Variants in STIL observed in about 807,000 individuals in gnomAD.
STIL encodes SCL-interrupting locus protein.
STIL carries 55 observed loss-of-function variants against 110.1 expected under a neutral mutation model. The observed-to-expected ratio is 0.50, with a 90% confidence interval of 0.40 to 0.63. The LOEUF (loss-of-function observed/expected upper bound fraction) is 0.63, where lower values mean the gene tolerates loss of function less well. Ranked by LOEUF, STIL falls within the 20% of genes least tolerant of loss-of-function variation. STIL has a pLI of 0.00. For synonymous variants in STIL, 481 were observed against 530.0 expected (o/e 0.91, Z 1.27); for missense variants, 1,358 against 1,530.0 (o/e 0.89, Z 1.87).
chr1:47,274,034 T>C (rs1570116649), intron 12 of STIL, among the ~76,000 whole-genome samples: 1 of 152,272 alleles, frequency 6.6e-6, no homozygotes, highest in Admixed American at 6.5e-5. Flanking sequence ...AAGAGATAAA[T>C]AAAACAGTTG....
At chr1:47,300,298 G>A (rs974448479) in intron 5 of STIL, 146 bp from the exon 6 acceptor site, 15 of 826,368 alleles carry the variant, frequency 1.8e-5, no homozygotes, top group South Asian at 1.2e-4. Context: ...TTCAGTTCTC[G>A]TTTATTCCAT....
chr1:47,311,008 C>T (rs1175293177), intron 1 of STIL, among the ~76,000 whole-genome samples: 1 of 152,088 alleles, frequency 6.6e-6, no homozygotes, highest in African/African-American at 2.4e-5. Flanking sequence ...CCACCATGCC[C>T]AGCTAATTTT....
In STIL at chr1:47,269,752, T is replaced by C. The variant is rs1172455299; in HGVS notation, c.2498A>G (p.Asn833Ser). Residue 833 changes from asparagine (N) to serine (S), a missense_variant, in exon 14 of 17, where the codon AAT becomes AGT. By Grantham distance (46) the Asn-to-Ser change is conservative. Transcript: ENST00000371877. Reference sequence around the variant, plus strand: ...ACTACCTGGAAGACTTGTGACTTCATTATTAATATCGACAGAAAAATTCAT... The same window carrying C: ...ACTACCTGGAAGACTTGTGACTTCACTATTAATATCGACAGAAAAATTCAT... ...EDMNFSVDIN[N>S]EVTSLPGSAS... is the part of the protein sequence containing the mutation. The C allele has an allele frequency of 6.2e-7, 1 of 1,614,182 alleles. No individual in the cohort carries two copies. Among genetic ancestry groups the C allele is most frequent in the Admixed American group, 1.7e-5 (1 of 60,018 alleles).
In STIL at chr1:47,289,010, C is replaced by T. The variant is rs1231842750; in HGVS notation, c.1023+425G>A. Among the ~76,000 whole-genome samples the T allele has an allele frequency of 6.7e-5, 9 of 134,860 alleles. No homozygotes were observed. The South Asian group carries it at 1.7e-3, about 25-fold the overall frequency. 88.5% of individuals were successfully genotyped at this position (134,860 alleles called of 152,430 possible). A position where few individuals can be genotyped will look rare whatever the true frequency, so the allele number is the denominator to read the frequency against. ...CTGGGAGGCAGAGGTTGCAGTGAGC[C>T]GAGATCACGCCACTGCACTCCAGCC... On this transcript the variant is annotated intron_variant, in intron 9 of 16. Coordinates refer to ENST00000371877, the MANE Select transcript of STIL (RefSeq NM_001048166.1).
intron 16 of STIL, among the ~76,000 whole-genome samples, chr1:47,257,774 T>C (rs1028340106): frequency 9.9e-5 from 15 of 152,218 alleles, no homozygotes; most frequent in African/African-American, 2.9e-4. Flanking sequence ...ATAAAAGATA[T>C]TGACTATCTG....
chr1:47,295,380 G>A (rs891782259), intron 7 of STIL, among the ~76,000 whole-genome samples: 3 of 152,022 alleles, frequency 2.0e-5, no homozygotes, highest in Middle Eastern at 3.2e-3. Flanking sequence ...ACGGGTTCGA[G>A]ACGAGCCTGG....
intron 8 of STIL, among the ~76,000 whole-genome samples, chr1:47,291,812 C>T (rs143933722): frequency 0.082 from 12,460 of 151,818 alleles, 1,664 homozygotes; most frequent in African/African-American, 0.28. Context: ...GTGATCCACC[C>T]GCCTTGGCCT....
chr1:47,283,121 G>A (rs1447829687), intron 10 of STIL: 2 of 152,242 alleles, frequency 1.3e-5, no homozygotes, highest in African/African-American at 4.8e-5. Flanking sequence ...ATGCATTAGG[G>A]AAAAGAAAAG....
At chr1:47,278,784 A>G (rs1164948236) in intron 12 of STIL, among the ~76,000 whole-genome samples, 3 of 152,034 alleles carry the variant, frequency 2.0e-5, no homozygotes, top group Non-Finnish European at 4.4e-5. Context: ...TGGGCAATAT[A>G]GGAAGACCTT....
Position 47,282,455 on chromosome 1 carries a change from A to T in STIL, c.1138T>A (p.Ser380Thr). Reference protein sequence around the residue: ...ASKNFSIKRSSQKLSSGKMPI... With the variant: ...ASKNFSIKRSTQKLSSGKMPI... Reference sequence around the variant, plus strand: ...ATCTTCCCAGAAGATAACTTTTGGGAAGACCTAAAGAATAGAAGGGGAGAC... The same window carrying T: ...ATCTTCCCAGAAGATAACTTTTGGGTAGACCTAAAGAATAGAAGGGGAGAC... Residue 380 changes from serine (S) to threonine (T), a missense_variant, in exon 11 of 17, where the codon TCC (serine) becomes ACC (threonine). By Grantham distance (58) the Ser-to-Thr change is moderately conservative. Coordinates refer to ENST00000371877, the MANE Select transcript of STIL (RefSeq NM_001048166.1). 1 of 1,599,606 alleles carries T rather than the reference A, an allele frequency of 6.3e-7. No homozygotes were observed. Among genetic ancestry groups the T allele is most frequent in the Non-Finnish European group, 8.6e-7 (1 of 1,168,072 alleles).
chr1:47,289,647 C>G, intron 8 of STIL, 62 bp from the exon 9 acceptor site: 2 of 1,454,162 alleles, frequency 1.4e-6, no homozygotes, highest in Non-Finnish European at 1.9e-6. Context: ...ACTCAAATAA[C>G]TTCATGTGAG....
At chr1:47,300,912 A>G (rs1208169015) in intron 5 of STIL, among the ~76,000 whole-genome samples, 7 of 152,190 alleles carry the variant, frequency 4.6e-5, no homozygotes, top group Admixed American at 1.3e-4. Flanking sequence ...CCATTGTACT[A>G]TAGGTTAATA....
In STIL at chr1:47,269,660, ATTC is replaced by A. The variant is rs754243887; in HGVS notation, c.2587_2589del (p.Glu863del). On this transcript the variant is annotated inframe_deletion, in exon 14 of 17. Transcript: ENST00000371877. Reference sequence around the variant, plus strand: ...TTGGATACAGAAAGTGGCTGGTTAAATTCTTCTTCCACAGCAATGTTGCTCTCT... The same window carrying A: ...TTGGATACAGAAAGTGGCTGGTTAAATTCTTCCACAGCAATGTTGCTCTCT... The A allele has an allele frequency of 8.1e-6, 13 of 1,614,040 alleles. No individual in the cohort carries two copies. The East Asian group carries it at 1.3e-4, about 17-fold the overall frequency.
chr1:47,251,360 T>C lies in STIL; in HGVS notation c.3643A>G (p.Lys1215Glu). The part of the protein sequence containing the change: ...QTKAKQQLTE[K>E]PAFLVKNLKP... ...AGGTTCTTTACTAAGAAAGCTGGCT[T>C]TTCAGTCAACTGCTGTTTTGCTTTT... Residue 1215 changes from lysine (K) to glutamate (E), a missense_variant, in exon 17 of 17, where the codon AAG becomes GAG. Physicochemically the swap from Lys to Glu is moderately conservative, Grantham distance 56 (BLOSUM62 1). Transcript: ENST00000371877. The C allele has an allele frequency of 1.2e-6, 2 of 1,614,204 alleles. No homozygotes were observed. Among genetic ancestry groups the C allele is most frequent in the Non-Finnish European group, 1.7e-6 (2 of 1,180,030 alleles).
chr1:47,272,468 C>T (rs1644870249), intron 12 of STIL, among the ~76,000 whole-genome samples: 2 of 146,400 alleles, frequency 1.4e-5, no homozygotes, highest in Non-Finnish European at 1.5e-5. Context: ...TTTTTTGAGA[C>T]AAGGTCTTGC....
intron 5 of STIL, 124 bp downstream of exon 5, chr1:47,301,437 G>T: frequency 1.8e-6 from 2 of 1,115,036 alleles, no homozygotes; most frequent in South Asian, 1.3e-5. Context: ...TGGATTTTAG[G>T]TTCACAATAA....
At chr1:47,252,433 C>T (rs112940043) in intron 16 of STIL, among the ~76,000 whole-genome samples, 2,023 of 151,864 alleles carry the variant, frequency 0.013, 14 homozygotes, top group Non-Finnish European at 0.02. Context: ...AAATAATAGC[C>T]TAGAAGGTAA....
At chr1:47,279,727 C>CAAAAAAAAAAAAA (rs11371469) in intron 12 of STIL, among the ~76,000 whole-genome samples, 1 of 82,840 alleles carries the variant, frequency 1.2e-5, no homozygotes, top group African/African-American at 4.1e-5. Flanking sequence ...GACTCCGTCT[C>CAAAAAAAAAAAAA]AAAAAAAAAA....
At chr1:47,254,180 C>CAAAAAAAAA (rs59259774) in intron 16 of STIL, among the ~76,000 whole-genome samples, 3 of 61,428 alleles carry the variant, frequency 4.9e-5, no homozygotes, top group Admixed American at 5.7e-4. Flanking sequence ...GACTCTGTCT[C>CAAAAAAAAA]AAAAAAAAAA....
Sources: gnomAD v4.1 joint callset for allele counts (sites outside exome capture counted in the v4.1 genomes callset) on GRCh38, gnomAD v4.1.1 for gene constraint, MANE v1.5 for transcripts, NCBI Gene and HGNC (gene_info 2026-07-23, HGNC 2026-07-21) for gene names.